Variants in COL26A1 observed in about 807,000 individuals in gnomAD.
The protein encoded by COL26A1 is collagen type XXVI alpha 1 chain.
COL26A1 carries 41 observed loss-of-function variants against 59.3 expected under a neutral mutation model. That is an observed-to-expected ratio of 0.69 (90% CI 0.54 to 0.90). COL26A1 has a LOEUF of 0.90. Ranked by LOEUF, COL26A1 falls within the 40% of genes least tolerant of loss-of-function variation. The pLI is 0.00. For missense variants in COL26A1, 612 were observed against 602.3 expected, an observed-to-expected ratio of 1.02 and a Z score of -0.17; for synonymous variants, 266 against 256.0, an observed-to-expected ratio of 1.04 and a Z score of -0.37.
chr7:101,375,266 A>G (rs1791287032), intron 1 of COL26A1, among the ~76,000 whole-genome samples: 1 of 152,062 alleles, frequency 6.6e-6, no homozygotes, highest in South Asian at 2.1e-4. Context: ...TATGCAAGTT[A>G]ATATTAATCA....
At chr7:101,417,227 T>C (rs1295606463) in intron 1 of COL26A1, among the ~76,000 whole-genome samples, 6 of 152,208 alleles carry the variant, frequency 3.9e-5, no homozygotes, top group Non-Finnish European at 8.8e-5. Context: ...TCTTGGTATC[T>C]GGGGTTTTCC....
At chr7:101,426,237 G>C (rs1035277733) in intron 2 of COL26A1, among the ~76,000 whole-genome samples, 6 of 152,136 alleles carry the variant, frequency 3.9e-5, no homozygotes, top group African/African-American at 1.4e-4. Flanking sequence ...AACTCGGAAG[G>C]TTCCTGGGAG....
At chr7:101,471,571 G>GTTGTTT (rs1793903750) in intron 3 of COL26A1, among the ~76,000 whole-genome samples, 6 of 93,012 alleles carry the variant, frequency 6.5e-5, no homozygotes, top group African/African-American at 2.3e-4. Context: ...GTTGTTGTTT[G>GTTGTTT]TTTTTTTTTT....
intron 1 of COL26A1, among the ~76,000 whole-genome samples, chr7:101,418,925 G>A (rs184896924): frequency 2.6e-5 from 4 of 151,926 alleles, no homozygotes; most frequent in South Asian, 2.1e-4. Flanking sequence ...TCCCTAGCCC[G>A]GCAGGTCACA....
At chr7:101,525,171 C>CTTTTT (rs34881584) in intron 3 of COL26A1, among the ~76,000 whole-genome samples, 16 of 73,900 alleles carry the variant, frequency 2.2e-4, no homozygotes, top group South Asian at 1.1e-3. Flanking sequence ...TGACTTCATT[C>CTTTTT]TTTTTTTTTT....
chr7:101,448,761 G>A (rs1158708581), intron 3 of COL26A1, among the ~76,000 whole-genome samples: 1 of 152,110 alleles, frequency 6.6e-6, no homozygotes, highest in Non-Finnish European at 1.5e-5. Flanking sequence ...CAAAGTGCTG[G>A]GATTACAGGT....
intron 3 of COL26A1, among the ~76,000 whole-genome samples, chr7:101,475,760 TTCTTTC>T (rs1240523966): frequency 3.7e-5 from 5 of 136,020 alleles, no homozygotes; most frequent in Non-Finnish European, 8.1e-5. Context: ...TCCTTTTTCT[TTCTTTC>T]TCTTTCTTTC....
At chr7:101,371,777 G>GT (rs1440141223) in intron 1 of COL26A1, among the ~76,000 whole-genome samples, 1 of 152,188 alleles carries the variant, frequency 6.6e-6, no homozygotes, top group African/African-American at 2.4e-5. Context: ...GGGTGACAGA[G>GT]TGAGACCCTG....
chr7:101,533,215 C>A, intron 4 of COL26A1, 72 bp downstream of exon 4: 1 of 1,157,016 alleles, frequency 8.6e-7, no homozygotes, highest in Non-Finnish European at 1.3e-6. Flanking sequence ...AGGCATCAGG[C>A]AACCACTGGG....
chr7:101,364,081 C>T (rs1344365018), intron 1 of COL26A1, among the ~76,000 whole-genome samples: 3 of 152,274 alleles, frequency 2.0e-5, no homozygotes, highest in Middle Eastern at 3.4e-3. Context: ...CGCCGGGACC[C>T]GCCAGGCGTC....
intron 1 of COL26A1, among the ~76,000 whole-genome samples, chr7:101,415,602 C>T (rs1213771886): frequency 1.3e-5 from 2 of 152,028 alleles, no homozygotes; most frequent in African/African-American, 4.8e-5. Context: ...CAACTTTTCA[C>T]TACTTTCCCT....
At chr7:101,460,558 G>A (rs904730616) in intron 3 of COL26A1, among the ~76,000 whole-genome samples, 8 of 152,032 alleles carry the variant, frequency 5.3e-5, no homozygotes, top group African/African-American at 7.2e-5. Context: ...GGAGGTGGGC[G>A]GATCACGAGG....
At chr7:101,488,268 G>A (rs1242234456) in intron 3 of COL26A1, among the ~76,000 whole-genome samples, 2 of 148,204 alleles carry the variant, frequency 1.3e-5, no homozygotes, top group South Asian at 2.2e-4. Flanking sequence ...GTGACAGAGT[G>A]AGACTCTGTC....
intron 1 of COL26A1, among the ~76,000 whole-genome samples, chr7:101,387,778 A>ATATTTTTTTTTTTTTTTTTTTTTT (rs773025730): frequency 1.2e-5 from 1 of 84,836 alleles, no homozygotes; most frequent in East Asian, 2.8e-4. Context: ...ATATATATAT[A>ATATTTTTTTTTTTTTTTTTTTTTT]TTTTTTTTTA....
At chr7:101,385,236 T>C (rs1442176817) in intron 1 of COL26A1, among the ~76,000 whole-genome samples, 11 of 129,790 alleles carry the variant, frequency 8.5e-5, no homozygotes, top group Non-Finnish European at 1.9e-4. Context: ...ACACACTATA[T>C]ATATATATAT....
At chr7:101,417,384 T>A (rs1245812270) in intron 1 of COL26A1, among the ~76,000 whole-genome samples, 11 of 151,452 alleles carry the variant, frequency 7.3e-5, no homozygotes, top group Non-Finnish European at 1.0e-4. Context: ...GCTTTTTTTT[T>A]TTTTTCTTTT....
At chr7:101,475,044 A>C (rs1397220746) in intron 3 of COL26A1, among the ~76,000 whole-genome samples, 1 of 152,144 alleles carries the variant, frequency 6.6e-6, no homozygotes, top group African/African-American at 2.4e-5. Context: ...AATGCAAAAA[A>C]TTAGCTGGGT....
intron 2 of COL26A1, among the ~76,000 whole-genome samples, chr7:101,447,240 A>G (rs1218009735): frequency 2.0e-5 from 3 of 152,214 alleles, no homozygotes; most frequent in Non-Finnish European, 4.4e-5. Flanking sequence ...TCTTGCAGCC[A>G]TAGGCTGCAT....
intron 3 of COL26A1, among the ~76,000 whole-genome samples, chr7:101,517,097 C>T (rs1303197208): frequency 3.9e-5 from 6 of 152,124 alleles, no homozygotes; most frequent in Non-Finnish European, 7.4e-5. Context: ...TCACTTGCCC[C>T]GTGATTCTTC....
Sources: gnomAD v4.1 joint callset for allele counts (sites outside exome capture counted in the v4.1 genomes callset) on GRCh38, gnomAD v4.1.1 for gene constraint, MANE v1.5 for transcripts, NCBI Gene and HGNC (gene_info 2026-07-23, HGNC 2026-07-21) for gene names.